The following CPNE9 variants were observed in gnomAD, a reference collection of about 807,000 sequenced individuals.
The protein encoded by CPNE9 is copine-9.
CPNE9 carries 59 observed loss-of-function variants against 83.0 expected under a neutral mutation model. The observed-to-expected ratio is 0.71, with a 90% CI of 0.58 to 0.88. The LOEUF (loss-of-function observed/expected upper bound fraction) is 0.88. CPNE9 is among the 40% of genes least tolerant of loss of function. CPNE9 has a pLI of 0.00. For missense variants in CPNE9, 619 were observed against 720.8 expected (o/e 0.86, Z 1.62); for synonymous variants, 256 against 273.4 (o/e 0.94, Z 0.63).
chr3:9,718,572 A>G lies in CPNE9; in HGVS notation c.1211A>G (p.Tyr404Cys), dbSNP rs768595949. 4 of 1,613,312 alleles carry G rather than the reference A, an allele frequency of 2.5e-6. No individual in the cohort carries two copies. The South Asian group carries it at 3.3e-5, about 13-fold the overall frequency. The change falls in exon 17 of 21, where the codon TAC becomes TGC. Residue 404 changes from tyrosine (Y) to cysteine (C), a missense_variant. Tyr to Cys is a radical substitution (Grantham distance 194). This residue lies in a region of CPNE9 where 438 missense variants were observed against 562.9 expected (regional missense o/e 0.78). Transcript: ENST00000383832. ...LRTVQLYGPTYFAPVINQVAR... is the reference protein window; with the variant it reads ...LRTVQLYGPTCFAPVINQVAR... ...ACAGTGCAGCTCTATGGGCCCACCT[A>G]CTTTGCTCCTGTCATCAACCAAGTG...
Position 9,703,894 on chromosome 3 carries a change from C to T in CPNE9, c.-103C>T. On this transcript the variant is annotated 5_prime_UTR_variant, in exon 1 of 21. Transcript: ENST00000383832. ...CTGGAGCGAGTGCAGCCGCCGCCGC[C>T]GCCGACACCGCGGCACATGGGCCGG... 1.0e-6 allele frequency: 1 copy of T among 976,474 alleles called. No individual in the cohort carries two copies. Among genetic ancestry groups the T allele is most frequent in the Non-Finnish European group, 1.4e-6 (1 of 697,374 alleles). The allele number at this position is 976,474 out of a possible 1,614,324, so 60.5% of individuals were successfully genotyped here.
At chr3:9,711,838 T>C (rs2076631900) in intron 7 of CPNE9, among the ~76,000 whole-genome samples, 1 of 152,212 alleles carries the variant, frequency 6.6e-6, no homozygotes, top group South Asian at 2.1e-4. Flanking sequence ...TTCCCTTGTC[T>C]TTTAAATCTC....
At chr3:9,706,775 G>A (rs1483962250) in intron 7 of CPNE9, among the ~76,000 whole-genome samples, 1 of 152,170 alleles carries the variant, frequency 6.6e-6, no homozygotes, top group Non-Finnish European at 1.5e-5. Context: ...GGTAACTTTG[G>A]AGCAACAACC....
At chr3:9,711,261 G>A (rs1194597230) in intron 7 of CPNE9, among the ~76,000 whole-genome samples, 2 of 152,068 alleles carry the variant, frequency 1.3e-5, no homozygotes, top group African/African-American at 4.8e-5. Context: ...GGAGTGCAAG[G>A]GCTTGATCTC....
intron 7 of CPNE9, among the ~76,000 whole-genome samples, chr3:9,707,885 CAT>C (rs1268078148): frequency 6.7e-6 from 1 of 150,172 alleles, no homozygotes; most frequent in East Asian, 2.0e-4. Flanking sequence ...GTTTTATAAA[CAT>C]ATAAAATGTT....
intron 7 of CPNE9, among the ~76,000 whole-genome samples, chr3:9,706,523 C>G (rs550031789): frequency 1.3e-5 from 2 of 152,324 alleles, no homozygotes; most frequent in South Asian, 2.1e-4. Context: ...ATGTCAGCCA[C>G]TGTTAAAGGG....
chr3:9,714,639 T>TAAAAAAAAAAA (rs34491669), intron 10 of CPNE9, among the ~76,000 whole-genome samples: 1 of 103,352 alleles, frequency 9.7e-6, no homozygotes, highest in Non-Finnish European at 2.0e-5. Context: ...CTCAAAGTGG[T>TAAAAAAAAAAA]AAAAAAAAAA....
At chr3:9,725,691 T>C (rs1284686404) in intron 17 of CPNE9, among the ~76,000 whole-genome samples, 4 of 135,266 alleles carry the variant, frequency 3.0e-5, no homozygotes, top group South Asian at 2.4e-4. Flanking sequence ...TATATATACA[T>C]ATATGTGTAT....
chr3:9,711,469 G>A (rs180721052), intron 7 of CPNE9, among the ~76,000 whole-genome samples: 1 of 152,078 alleles, frequency 6.6e-6, no homozygotes, highest in African/African-American at 2.4e-5. Context: ...CGCCCGCCTA[G>A]GCCTCCCAAA....
chr3:9,718,717 G>T (rs1239894570), intron 17 of CPNE9, 115 bp downstream of exon 17: 1 of 1,309,426 alleles, frequency 7.6e-7, no homozygotes, highest in Non-Finnish European at 1.1e-6. Flanking sequence ...GTAAACAGGA[G>T]AGGCCAGGCA....
At chr3:9,717,225 G>A (rs1287300684) in intron 15 of CPNE9, 121 bp downstream of exon 15, 1 of 991,090 alleles carries the variant, frequency 1.0e-6, no homozygotes, top group East Asian at 2.5e-5. Context: ...CCCAAACTTA[G>A]GCAAAACCCA....
At chr3:9,712,669 T>C (rs2076641387) in intron 8 of CPNE9, 56 bp from the exon 9 acceptor site, 2 of 1,606,992 alleles carry the variant, frequency 1.2e-6, no homozygotes, top group African/African-American at 1.3e-5. Flanking sequence ...TTTAATGGAC[T>C]GTCTGAAGGC....
intron 17 of CPNE9, among the ~76,000 whole-genome samples, chr3:9,719,349 A>AC (rs2125471764): frequency 6.6e-6 from 1 of 151,984 alleles, no homozygotes; most frequent in East Asian, 1.9e-4. Context: ...AATTACCCTA[A>AC]CCCCACTGCC....
chr3:9,729,422 G>C, intron 20 of CPNE9, 85 bp from the exon 21 acceptor site: 1 of 1,490,024 alleles, frequency 6.7e-7, no homozygotes, highest in Non-Finnish European at 9.0e-7. Context: ...GAGATGCTGG[G>C]GATCAAAAAA....
chr3:9,715,406 C>G (rs1364979200), intron 12 of CPNE9, 42 bp downstream of exon 12: 1 of 1,611,842 alleles, frequency 6.2e-7, no homozygotes, highest in Admixed American at 1.7e-5. Flanking sequence ...GGCCCTCCAT[C>G]CCAGTGTGCT....
At position 9,709,136 on chromosome 3, in the gene CPNE9, A is replaced by C. The variant is rs1052175234; in HGVS notation, c.377+3073A>C. On this transcript the variant is annotated intron_variant, in intron 7 of 20. Coordinates refer to ENST00000383832, the MANE Select transcript of CPNE9 (RefSeq NM_153635.3). ...TAAAAATACAAAAAACTTAGCTGGG[A>C]GTGGTGGCGCACGCTTGTAATCCCA... Among the ~76,000 whole-genome samples the C allele has an allele frequency of 4.7e-5, 7 of 149,926 alleles. No individual in the cohort carries two copies. In the East Asian group the frequency reaches 1.1e-3, roughly 23 times the overall value.
rs200234448 is a variant in CPNE9, at chr3:9,704,650, G to A, written c.109+23G>A. The A allele has an allele frequency of 2.0e-4, 317 of 1,613,554 alleles. No individual in the cohort carries two copies. In the Middle Eastern group the frequency reaches 4.1e-3, roughly 21 times the overall value. ...CCAGTAGGCGGCTCCAGGACCGGGA[G>A]GGGGAACTTGGGGTCTGGGCGCGAC... On this transcript the variant is annotated intron_variant, in intron 2 of 20. Coordinates refer to ENST00000383832, the MANE Select transcript of CPNE9 (RefSeq NM_153635.3). This position sits in a 1 kb window ranked among gnomAD's most constrained non-coding sequence, Gnocchi z 7.1.
intron 20 of CPNE9, 172 bp downstream of exon 20, chr3:9,727,358 C>G: frequency 3.7e-6 from 3 of 802,026 alleles, no homozygotes; most frequent in Non-Finnish European, 4.3e-6. Context: ...AAGGTTGCTG[C>G]AGCCTTGGCA....
intron 10 of CPNE9, among the ~76,000 whole-genome samples, chr3:9,714,668 A>G (rs13086775): frequency 7.9e-6 from 1 of 126,754 alleles, no homozygotes; most frequent in Admixed American, 7.9e-5. Flanking sequence ...AAAAAAAAAA[A>G]CCAACCAAAC....
Sources: allele counts gnomAD v4.1 joint callset (sites outside exome capture counted in the v4.1 genomes callset), GRCh38; gene constraint gnomAD v4.1.1; regional missense constraint gnomAD v4.1.1; non-coding constraint Gnocchi (gnomAD v3.1); transcripts MANE v1.5; gene names NCBI Gene and HGNC (gene_info 2026-07-23, HGNC 2026-07-21).